LPP: variants seen among roughly 807,000 people sequenced by gnomAD.
The protein encoded by LPP is lipoma-preferred partner.
Under a neutral mutation model 60.4 loss-of-function variants are expected in LPP, and 38 were observed. The ratio of observed to expected loss-of-function variants is 0.63; its 90% confidence interval spans 0.49 to 0.83. LPP has a LOEUF of 0.83. Ranked by LOEUF, LPP falls within the 40% of genes least tolerant of loss-of-function variation. LPP has a pLI of 0.00. For missense variants in LPP, 902 were observed against 783.6 expected, an observed-to-expected ratio of 1.15 and a Z score of -1.80; for synonymous variants, 328 against 290.8, an observed-to-expected ratio of 1.13 and a Z score of -1.30.
chr3:188,333,747 A>G (rs568479340), intron 2 of LPP, among the ~76,000 whole-genome samples: 1 of 152,318 alleles, frequency 6.6e-6, no homozygotes, highest in East Asian at 1.9e-4. Context: ...ATTATTTTAA[A>G]TTAACACATA....
intron 9 of LPP, among the ~76,000 whole-genome samples, chr3:188,801,050 G>A (rs950682757): frequency 6.6e-6 from 1 of 151,958 alleles, no homozygotes; most frequent in African/African-American, 2.4e-5. Flanking sequence ...CCTCTTCTCC[G>A]AACTCACACA....
intron 5 of LPP, among the ~76,000 whole-genome samples, chr3:188,522,821 ATGTGTG>A (rs1194970078): frequency 7.4e-6 from 1 of 134,784 alleles, no homozygotes; most frequent in East Asian, 2.4e-4. Context: ...ATATATGTGT[ATGTGTG>A]TGTGTATGTG....
rs139809361 is a variant in LPP, at chr3:188,453,413, C to T, written c.194-31179C>T. On this transcript the variant is annotated intron_variant, in intron 4 of 11. Transcript: ENST00000617246. Reference sequence around the variant, plus strand: ...TTGTGCTCAGCTCCTTGTATGATACCGACCGGATCCTATCCATGGACAATA... The same window carrying T: ...TTGTGCTCAGCTCCTTGTATGATACTGACCGGATCCTATCCATGGACAATA... Among the ~76,000 whole-genome samples, 207 of 152,130 alleles carry T rather than the reference C, an allele frequency of 1.4e-3. 3 individuals carry two copies. Among genetic ancestry groups the T allele is most frequent in the African/African-American group, 4.3e-3 (177 of 41,516 alleles).
chr3:188,231,698 T>G (rs1165629856), intron 2 of LPP, among the ~76,000 whole-genome samples: 1 of 151,810 alleles, frequency 6.6e-6, no homozygotes, highest in East Asian at 1.9e-4. Context: ...TGCCCCGCCT[T>G]CCACCGCTCC....
intron 2 of LPP, among the ~76,000 whole-genome samples, chr3:188,335,943 G>A (rs761411302): frequency 4.1e-4 from 63 of 152,144 alleles, no homozygotes; most frequent in Non-Finnish European, 8.7e-4. Flanking sequence ...TGATGACTTT[G>A]TTTCTGAATA....
chr3:188,863,923 T>C (rs1227675706), intron 9 of LPP, among the ~76,000 whole-genome samples: 2 of 150,712 alleles, frequency 1.3e-5, no homozygotes, highest in African/African-American at 4.9e-5. Context: ...GCCAAACATT[T>C]TCTGGTTATT....
Position 188,524,711 on chromosome 3 carries a change from A to G in LPP, c.353A>G (p.Asp118Gly). ...KTLEERRSSL[D>G]AEIDSLTSIL... ...CTTGAGGAGAGGCGCTCCAGCCTGG[A>G]CGCTGAGATTGACTCCTTGACCAGC... The change falls in exon 6 of 12, where the codon GAC becomes GGC. Residue 118 changes from aspartate to glycine, a missense_variant. Physicochemically the swap from Asp to Gly is moderately conservative, Grantham distance 94. Transcript: ENST00000617246. 6.2e-7 allele frequency: 1 copy of G among 1,614,144 alleles called. No homozygotes were observed. The highest frequency in any genetic ancestry group is 1.3e-5 in the African/African-American group (1 of 75,048).
chr3:188,559,256 A>C (rs1177623407), intron 6 of LPP, among the ~76,000 whole-genome samples: 1 of 152,106 alleles, frequency 6.6e-6, no homozygotes, highest in African/African-American at 2.4e-5. Flanking sequence ...TCGTGACAAC[A>C]GGCACCAGAT....
intron 9 of LPP, among the ~76,000 whole-genome samples, chr3:188,761,707 TAAAC>T (rs1243127949): frequency 6.6e-6 from 1 of 152,156 alleles, no homozygotes; most frequent in African/African-American, 2.4e-5. Context: ...AACATAAAGA[TAAAC>T]AAAGTAATGT....
chr3:188,699,078 A>C lies in LPP; in HGVS notation c.1114-9189A>C, dbSNP rs566758461. ...AACTGACATCTATTTGATATTTAAT[A>C]TGTTACAAAGCTTCTTCATATGAAT... On this transcript the variant is annotated intron_variant, in intron 7 of 11. Transcript: ENST00000617246. Among the ~76,000 whole-genome samples the C allele has an allele frequency of 6.4e-4, 98 of 152,324 alleles. 3 individuals carry two copies. The South Asian group carries it at 0.019, about 30-fold the overall frequency.
chr3:188,502,720 G>T (rs190121811), intron 5 of LPP, among the ~76,000 whole-genome samples: 1 of 152,102 alleles, frequency 6.6e-6, no homozygotes, highest in African/African-American at 2.4e-5. Flanking sequence ...AATTTAAAAT[G>T]CATTTAATAT....
chr3:188,231,500 C>T (rs1453613600), intron 2 of LPP, among the ~76,000 whole-genome samples: 1 of 152,118 alleles, frequency 6.6e-6, no homozygotes, highest in Non-Finnish European at 1.5e-5. Context: ...CAATTCATGC[C>T]GTGTTCCCTT....
rs143432562 is a variant in LPP, at chr3:188,609,547, T to C, written c.816T>C (p.Asp272=). 5 of 1,614,050 alleles carry C rather than the reference T, an allele frequency of 3.1e-6. No individual in the cohort carries two copies. The highest frequency in any genetic ancestry group is 2.7e-5 in the African/African-American group (2 of 74,922). The change falls in exon 7 of 12, where the codon GAT becomes GAC. Residue 272 remains aspartate, a synonymous_variant. Coordinates refer to ENST00000617246, the MANE Select transcript of LPP (RefSeq NM_001375462.1). This position sits in a 1 kb window ranked among gnomAD's most constrained non-coding sequence, Gnocchi z 6.9. ...CTCCTTCAACACGGGGAGGCATGGA[T>C]TATGCCTACATTCCACCACCAGGAC... ...CPPPSTRGGM[D]YAYIPPPGLQ...
intron 10 of LPP, among the ~76,000 whole-genome samples, chr3:188,870,115 C>A (rs767691305): frequency 2.0e-5 from 3 of 152,108 alleles, no homozygotes; most frequent in Non-Finnish European, 2.9e-5. Flanking sequence ...TTACCACAGT[C>A]TGACTGGTAT....
chr3:188,446,455 A>G (rs1316551467), intron 4 of LPP, among the ~76,000 whole-genome samples: 3 of 152,170 alleles, frequency 2.0e-5, no homozygotes, highest in Non-Finnish European at 4.4e-5. Context: ...GTTACTGTGT[A>G]TGTCATTTAA....
intron 9 of LPP, among the ~76,000 whole-genome samples, chr3:188,820,058 T>A (rs978310650): frequency 2.6e-5 from 4 of 152,204 alleles, no homozygotes; most frequent in Admixed American, 2.6e-4. Context: ...TCCACAAGAC[T>A]CTGGACTTAT....
intron 6 of LPP, among the ~76,000 whole-genome samples, chr3:188,571,542 A>G (rs1382420161): frequency 6.6e-6 from 1 of 152,126 alleles, no homozygotes; most frequent in African/African-American, 2.4e-5. Flanking sequence ...CCCATTATGT[A>G]AACTGTATAA....
intron 1 of LPP, among the ~76,000 whole-genome samples, chr3:188,200,563 T>C (rs1730814872): frequency 6.6e-6 from 1 of 152,234 alleles, no homozygotes; most frequent in South Asian, 2.1e-4. Flanking sequence ...GATGGGGCAC[T>C]GGATTGGCCT....
At chr3:188,701,181 A>T (rs1864329528) in intron 7 of LPP, among the ~76,000 whole-genome samples, 1 of 152,166 alleles carries the variant, frequency 6.6e-6, no homozygotes, top group African/African-American at 2.4e-5. Flanking sequence ...CAAGGGTCCT[A>T]TTCATGTGTA....
Sources: gnomAD v4.1 joint callset for allele counts (sites outside exome capture counted in the v4.1 genomes callset) on GRCh38, gnomAD v4.1.1 for gene constraint, Gnocchi (gnomAD v3.1) non-coding constraint, MANE v1.5 for transcripts, NCBI Gene and HGNC (gene_info 2026-07-23, HGNC 2026-07-21) for gene names.